Variants in TMCC1 observed in about 807,000 individuals in gnomAD.
The protein encoded by TMCC1 is transmembrane and coiled-coil domains protein 1.
TMCC1 carries 15 observed loss-of-function variants against 52.4 expected under a neutral mutation model. The observed-to-expected ratio is 0.29, with a 90% CI of 0.19 to 0.44. The LOEUF (loss-of-function observed/expected upper bound fraction) is 0.44, where lower values mean the gene tolerates loss of function less well. Ranked by LOEUF, TMCC1 falls within the 20% of genes least tolerant of loss-of-function variation. The pLI is 1.00. For synonymous variants in TMCC1, 279 were observed against 301.9 expected, an observed-to-expected ratio of 0.92 and a Z score of 0.79; for missense variants, 503 against 806.0, an observed-to-expected ratio of 0.62 and a Z score of 4.55.
chr3:129,689,362 G>C (rs2089636272), intron 4 of TMCC1, among the ~76,000 whole-genome samples: 2 of 152,186 alleles, frequency 1.3e-5, no homozygotes, highest in Admixed American at 1.3e-4. Context: ...CAAGTTATCA[G>C]ATCTGAACCT....
intron 4 of TMCC1, among the ~76,000 whole-genome samples, chr3:129,692,706 G>T (rs2047113297): frequency 6.6e-6 from 1 of 152,136 alleles, no homozygotes; most frequent in Non-Finnish European, 1.5e-5. Context: ...GATACAGGTG[G>T]TTATAACTAC....
chr3:129,701,234 C>T (rs2047803891), intron 4 of TMCC1, among the ~76,000 whole-genome samples: 1 of 152,146 alleles, frequency 6.6e-6, no homozygotes, highest in Non-Finnish European at 1.5e-5. Flanking sequence ...CAATTAACAT[C>T]CGCAGTCACT....
Position 129,828,259 on chromosome 3 carries a change from A to G in TMCC1, c.120T>C (p.Asn40=). 6.2e-7 allele frequency: 1 copy of G among 1,614,138 alleles called. No individual in the cohort carries two copies. The highest frequency in any genetic ancestry group is 8.5e-7 in the Non-Finnish European group (1 of 1,180,016). Residue 40 remains asparagine (N), a synonymous_variant, in exon 4 of 7, where the codon AAT becomes AAC. Transcript: ENST00000393238. The surrounding 1 kb of genome is among the most constrained non-coding windows in gnomAD (Gnocchi z 4.1). The part of the protein sequence containing the change: ...SEQKLSKMTH[N]ALENINVIGQ... The stretch of plus-strand genomic sequence containing the variant: ...CAATCACGTTAATGTTCTCCAAAGC[A>G]TTGTGGGTCATTTTAGACAATTTTT...
At chr3:129,788,038 C>T (rs1049742047) in intron 4 of TMCC1, among the ~76,000 whole-genome samples, 6 of 152,150 alleles carry the variant, frequency 3.9e-5, no homozygotes, top group African/African-American at 1.4e-4. Context: ...GTCTCCAACT[C>T]CTCCTCACAA....
chr3:129,803,604 T>C (rs2057309347), intron 4 of TMCC1, among the ~76,000 whole-genome samples: 1 of 152,232 alleles, frequency 6.6e-6, no homozygotes. Context: ...AAACCTCACT[T>C]TCCTTTTCTT....
chr3:129,870,611 C>T (rs1372624518), intron 2 of TMCC1, among the ~76,000 whole-genome samples: 2 of 148,208 alleles, frequency 1.3e-5, no homozygotes, highest in East Asian at 2.0e-4. Context: ...TGGTGGCTGG[C>T]GCCTGTAGTC....
In TMCC1 at chr3:129,671,242, C is replaced by T. The variant is rs1333471433; in HGVS notation, c.599G>A (p.Ser200Asn). The change falls in exon 5 of 7, where the codon AGC becomes AAC. Residue 200 changes from serine (S) to asparagine (N), a missense_variant. Physicochemically the swap from Ser to Asn is conservative, Grantham distance 46. Transcript: ENST00000393238. Reference protein sequence around the residue: ...AERIERLEVSSLAQTSSAVAS... With the variant: ...AERIERLEVSNLAQTSSAVAS... ...CACTGCACTGGATGTTTGGGCAAGG[C>T]TGCTTACTTCCAACCGTTCGATCTA... 2 of 1,612,004 alleles carry T rather than the reference C, an allele frequency of 1.2e-6. No homozygotes were observed. The highest frequency in any genetic ancestry group is 1.7e-6 in the Non-Finnish European group (2 of 1,178,570).
At chr3:129,879,256 C>T (rs2061356896) in intron 2 of TMCC1, among the ~76,000 whole-genome samples, 1 of 152,026 alleles carries the variant, frequency 6.6e-6, no homozygotes, top group Non-Finnish European at 1.5e-5. Context: ...GCATGGGCAA[C>T]ATAGCGAGAC....
intron 1 of TMCC1, among the ~76,000 whole-genome samples, chr3:129,881,562 A>G (rs2061462718): frequency 6.6e-6 from 1 of 152,250 alleles, no homozygotes; most frequent in South Asian, 2.1e-4. Context: ...ACAAAGGGAC[A>G]TAAATGTTAA....
intron 2 of TMCC1, among the ~76,000 whole-genome samples, chr3:129,870,980 T>A (rs891590311): frequency 6.6e-6 from 1 of 151,940 alleles, no homozygotes; most frequent in Non-Finnish European, 1.5e-5. Flanking sequence ...GCTTTTTTTT[T>A]AACAGCCAAA....
At chr3:129,676,023 C>T (rs994739586) in intron 4 of TMCC1, among the ~76,000 whole-genome samples, 4 of 124,788 alleles carry the variant, frequency 3.2e-5, no homozygotes, top group African/African-American at 1.0e-4. Flanking sequence ...GGCGACAGAG[C>T]GAGACTCTGT....
In TMCC1 at chr3:129,875,501, A is replaced by C. The variant is rs1429757008; in HGVS notation, c.-184+4808T>G. The stretch of plus-strand genomic sequence containing the variant: ...GGAGGACTCCATCTCAAAAAAAAAA[A>C]AAAAAAAAAAAAAAACAACACAAAC... On this transcript the variant is annotated intron_variant, in intron 2 of 6. Transcript: ENST00000393238. Among the ~76,000 whole-genome samples, 7 of 150,256 alleles carry C rather than the reference A, an allele frequency of 4.7e-5. 1 individual carries two copies. In the South Asian group the frequency reaches 1.5e-3, roughly 31 times the overall value.
chr3:129,661,498 G>A lies in TMCC1; in HGVS notation c.1512-6395C>T, dbSNP rs968416174. On this transcript the variant is annotated intron_variant, in intron 5 of 6. Transcript: ENST00000393238. The stretch of plus-strand genomic sequence containing the variant: ...GCAGTGACTCCCTAGTTAGTAGTGA[G>A]GTTTAATAAGGATCTGAACCAATTG... Among the ~76,000 whole-genome samples, 41 of 152,164 alleles carry A rather than the reference G, an allele frequency of 2.7e-4. 1 individual carries two copies. Among genetic ancestry groups the A allele is most frequent in the Admixed American group, 2.3e-3 (35 of 15,282 alleles).
chr3:129,790,945 T>C (rs1056479764), intron 4 of TMCC1, among the ~76,000 whole-genome samples: 7 of 152,208 alleles, frequency 4.6e-5, no homozygotes, highest in African/African-American at 1.4e-4. Flanking sequence ...TCAAACTCTA[T>C]TGGACACATA....
At chr3:129,726,877 A>AAAAAAAAAAAAAAAAAC in intron 4 of TMCC1, among the ~76,000 whole-genome samples, 1 of 132,400 alleles carries the variant, frequency 7.6e-6, no homozygotes, top group Non-Finnish European at 1.7e-5. Context: ...TCAAAAAAAA[A>AAAAAAAAAAAAAAAAAC]AAAAAAAAAA....
At chr3:129,734,868 C>T (rs976151616) in intron 4 of TMCC1, among the ~76,000 whole-genome samples, 1 of 151,870 alleles carries the variant, frequency 6.6e-6, no homozygotes, top group Non-Finnish European at 1.5e-5. Flanking sequence ...TTCTTGCATA[C>T]AGCCACCCAT....
chr3:129,805,511 A>G (rs1485860950), intron 4 of TMCC1, among the ~76,000 whole-genome samples: 1 of 152,212 alleles, frequency 6.6e-6, no homozygotes, highest in African/African-American at 2.4e-5. Flanking sequence ...AATGAAAAGG[A>G]AAGATTTTAA....
At chr3:129,812,336 CAAAAAAAAAA>C (rs11387876) in intron 4 of TMCC1, among the ~76,000 whole-genome samples, 1 of 56,016 alleles carries the variant, frequency 1.8e-5, no homozygotes, top group Non-Finnish European at 2.9e-5. Flanking sequence ...GACTCTGTCT[CAAAAAAAAAA>C]AAAAAAAAAA....
At chr3:129,725,609 G>A (rs1246705716) in intron 4 of TMCC1, among the ~76,000 whole-genome samples, 2 of 152,038 alleles carry the variant, frequency 1.3e-5, no homozygotes, top group East Asian at 3.9e-4. Flanking sequence ...GGATAGGCAA[G>A]TTTCCTGTAT....
Sources: allele counts gnomAD v4.1 joint callset (sites outside exome capture counted in the v4.1 genomes callset), GRCh38; gene constraint gnomAD v4.1.1; non-coding constraint Gnocchi (gnomAD v3.1); transcripts MANE v1.5; gene names NCBI Gene and HGNC (gene_info 2026-07-23, HGNC 2026-07-21).